The following ERCC6L2 variants were observed in gnomAD, a reference collection of about 807,000 sequenced individuals.
The protein encoded by ERCC6L2 is ERCC excision repair 6 like 2.
A neutral mutation model predicts 132.0 loss-of-function variants in ERCC6L2; 77 were observed. The ratio of observed to expected loss-of-function variants is 0.58; its 90% CI spans 0.49 to 0.71. The LOEUF is 0.71. Among genes scored for constraint, ERCC6L2 ranks in the 30% least tolerant of loss-of-function variants. The pLI is 0.00. For missense variants in ERCC6L2, 1,542 were observed against 1,837.6 expected, an observed-to-expected ratio of 0.84 and a Z score of 2.94; for synonymous variants, 583 against 632.4, an observed-to-expected ratio of 0.92 and a Z score of 1.17.
At position 95,916,472 on chromosome 9, in the gene ERCC6L2, C is replaced by A; in HGVS notation, c.1158+38C>A. Reference sequence around the variant, plus strand: ...TTTGTATATATTATTAATTTGTGGTCATATTTTTTTTTTCCTTTTTAAGAA... The same window carrying A: ...TTTGTATATATTATTAATTTGTGGTAATATTTTTTTTTTCCTTTTTAAGAA... On this transcript the variant is annotated intron_variant, in intron 6 of 18. Coordinates refer to ENST00000653738, the MANE Select transcript of ERCC6L2 (RefSeq NM_020207.7). 3 of 1,406,080 alleles carry A rather than the reference C, an allele frequency of 2.1e-6. No individual in the cohort carries two copies. In the South Asian group the frequency reaches 5.2e-5, roughly 24 times the overall value. The allele number at this position is 1,406,080 out of a possible 1,614,324, so 87.1% of individuals were successfully genotyped here.
chr9:95,887,187 G>A (rs911895072), intron 2 of ERCC6L2, among the ~76,000 whole-genome samples: 2 of 151,978 alleles, frequency 1.3e-5, no homozygotes, highest in Non-Finnish European at 2.9e-5. Context: ...ATCTAGTCTG[G>A]TAAGTGGGTT....
intron 11 of ERCC6L2, among the ~76,000 whole-genome samples, chr9:95,939,844 A>AT (rs1830718008): frequency 6.6e-6 from 1 of 151,990 alleles, no homozygotes; most frequent in African/African-American, 2.4e-5. Context: ...GGTATAAGTG[A>AT]TTTTTTATTG....
chr9:95,993,972 A>G (rs543391425), intron 17 of ERCC6L2, among the ~76,000 whole-genome samples: 1 of 152,346 alleles, frequency 6.6e-6, no homozygotes, highest in African/African-American at 2.4e-5. Flanking sequence ...GCTTTTCTGC[A>G]GATAGTGAGT....
intron 2 of ERCC6L2, among the ~76,000 whole-genome samples, chr9:95,889,407 C>G (rs1828041813): frequency 6.6e-6 from 1 of 152,044 alleles, no homozygotes. Flanking sequence ...TCTCTCTTGT[C>G]TTTTCAGTAG....
At chr9:95,899,732 A>G (rs1161541145) in intron 3 of ERCC6L2, among the ~76,000 whole-genome samples, 1 of 152,074 alleles carries the variant, frequency 6.6e-6, no homozygotes, top group Admixed American at 6.6e-5. Flanking sequence ...CTTGGGTACC[A>G]AAATGTGTGG....
At chr9:95,883,867 AAAG>A (rs1259698208) in intron 2 of ERCC6L2, among the ~76,000 whole-genome samples, 13 of 152,224 alleles carry the variant, frequency 8.5e-5, no homozygotes, top group South Asian at 2.1e-4. Context: ...ACATACAAAA[AAAG>A]AAGAAACATG....
At chr9:95,929,169 G>C (rs1564233952) in intron 11 of ERCC6L2, 1 of 190,230 alleles carries the variant, frequency 5.3e-6, no homozygotes, top group Non-Finnish European at 1.1e-5. Flanking sequence ...AGAATAATCA[G>C]ACTTCTTATT....
chr9:95,927,658 G>GA (rs1193117709), intron 9 of ERCC6L2, among the ~76,000 whole-genome samples: 1 of 152,110 alleles, frequency 6.6e-6, no homozygotes, highest in Non-Finnish European at 1.5e-5. Context: ...AGATGTAATT[G>GA]AACACATTTC....
At chr9:95,998,440 A>G (rs1400468801) in intron 17 of ERCC6L2, among the ~76,000 whole-genome samples, 1 of 152,234 alleles carries the variant, frequency 6.6e-6, no homozygotes, top group Admixed American at 6.5e-5. Flanking sequence ...AGATGGGTCA[A>G]TTGGATGTAT....
chr9:96,019,091 G>T (rs1250073531), downstream of ERCC6L2, among the ~76,000 whole-genome samples: 2 of 152,074 alleles, frequency 1.3e-5, no homozygotes, highest in Admixed American at 1.3e-4. Flanking sequence ...ACTCCAATGA[G>T]TTGTCTTGTC....
intron 19 of ERCC6L2, among the ~76,000 whole-genome samples, chr9:96,037,467 G>A (rs1324996233): frequency 2.0e-5 from 3 of 152,188 alleles, no homozygotes; most frequent in Non-Finnish European, 4.4e-5. Flanking sequence ...TTATTGTCTT[G>A]TTTTATTTTC....
At chr9:95,882,696 G>A (rs1351389813) in intron 2 of ERCC6L2, among the ~76,000 whole-genome samples, 1 of 152,124 alleles carries the variant, frequency 6.6e-6, no homozygotes, top group Non-Finnish European at 1.5e-5. Flanking sequence ...TAATGCTACT[G>A]TGTGTAAAGG....
intron 19 of ERCC6L2, among the ~76,000 whole-genome samples, chr9:96,027,168 A>ACACACCCCACATGCACCACAC (rs1447045400): frequency 1.2e-4 from 17 of 142,312 alleles, no homozygotes; most frequent in African/African-American, 4.5e-4. Context: ...ACCACACCAC[A>ACACACCCCACATGCACCACAC]CACACACACA....
At chr9:95,993,197 A>G (rs1833359560) in intron 17 of ERCC6L2, among the ~76,000 whole-genome samples, 1 of 152,308 alleles carries the variant, frequency 6.6e-6, no homozygotes, top group East Asian at 1.9e-4. Flanking sequence ...TCAGAAAGGT[A>G]CAGAATCTCC....
intron 12 of ERCC6L2, chr9:95,954,887 T>C (rs1043078605): frequency 1.1e-5 from 5 of 470,912 alleles, no homozygotes; most frequent in African/African-American, 6.0e-5. Flanking sequence ...GGATCCAAGA[T>C]GTCCTCGAGT....
chr9:95,935,501 G>A (rs1355686992), intron 11 of ERCC6L2, among the ~76,000 whole-genome samples: 1 of 152,102 alleles, frequency 6.6e-6, no homozygotes, highest in African/African-American at 2.4e-5. Flanking sequence ...AAGTAGAGGG[G>A]TACAGGAGGA....
chr9:96,038,855 A>T (rs896418844), intron 19 of ERCC6L2: 3 of 456,080 alleles, frequency 6.6e-6, no homozygotes, highest in Non-Finnish European at 1.3e-5. Flanking sequence ...AGCAGTAACA[A>T]TGTGTGACTT....
intron 19 of ERCC6L2, among the ~76,000 whole-genome samples, chr9:96,034,679 A>G (rs1181523961): frequency 6.6e-6 from 1 of 151,470 alleles, no homozygotes; most frequent in African/African-American, 2.4e-5. Flanking sequence ...AGCTGGTGGG[A>G]GCCCTGCCCC....
At chr9:96,005,349 A>T (rs1325238812) in intron 18 of ERCC6L2, among the ~76,000 whole-genome samples, 1 of 152,084 alleles carries the variant, frequency 6.6e-6, no homozygotes, top group Non-Finnish European at 1.5e-5. Context: ...TCCAGTACAG[A>T]GGAATGGGTT....
Sources: gnomAD v4.1 joint callset for allele counts (sites outside exome capture counted in the v4.1 genomes callset) on GRCh38, gnomAD v4.1.1 for gene constraint, MANE v1.5 for transcripts, NCBI Gene and HGNC (gene_info 2026-07-23, HGNC 2026-07-21) for gene names.